The following BRINP3 variants were observed in gnomAD, a reference collection of about 807,000 sequenced individuals.
BRINP3 encodes BMP/retinoic acid inducible neural specific 3, also known as BMP/retinoic acid-inducible neural-specific protein 3.
A neutral mutation model predicts 71.0 loss-of-function variants in BRINP3; 19 were observed. That is an observed-to-expected ratio of 0.27 (90% confidence interval 0.19 to 0.39). The LOEUF is 0.39. Among genes scored for constraint, BRINP3 ranks in the 10% least tolerant of loss-of-function variants. The probability of loss-of-function intolerance (pLI) is 1.00; values close to 1 mark genes in which losing one functional copy is unlikely to be tolerated. For synonymous variants in BRINP3, 380 were observed against 337.7 expected (o/e 1.13, Z -1.37); for missense variants, 959 against 940.8 (o/e 1.02, Z -0.25).
chr1:190,376,675 C>A (rs1670202402), intron 2 of BRINP3, among the ~76,000 whole-genome samples: 1 of 151,980 alleles, frequency 6.6e-6, no homozygotes, highest in South Asian at 2.1e-4. Context: ...AAACATCAAA[C>A]ATTACTTTCT....
intron 7 of BRINP3, among the ~76,000 whole-genome samples, chr1:190,110,771 GA>G (rs999586098): frequency 2.6e-5 from 4 of 151,688 alleles, no homozygotes; most frequent in Non-Finnish European, 5.9e-5. Flanking sequence ...TATATTCCAT[GA>G]AAAAAAATTA....
intron 2 of BRINP3, among the ~76,000 whole-genome samples, chr1:190,395,774 A>T: frequency 6.6e-6 from 1 of 151,802 alleles, no homozygotes; most frequent in East Asian, 1.9e-4. Flanking sequence ...ACTAAGTTTT[A>T]TTCAGTTGTA....
chr1:190,250,504 A>T (rs915244491), intron 4 of BRINP3, among the ~76,000 whole-genome samples: 3 of 151,980 alleles, frequency 2.0e-5, no homozygotes, highest in Non-Finnish European at 4.4e-5. Context: ...AGTTACCACC[A>T]ACTTGATAAG....
chr1:190,284,803 A>C (rs1351295064), intron 2 of BRINP3, among the ~76,000 whole-genome samples: 2 of 152,090 alleles, frequency 1.3e-5, no homozygotes, highest in African/African-American at 4.8e-5. Flanking sequence ...GGATATCACC[A>C]AACTAAAACT....
At chr1:190,239,958 T>C (rs1019688917) in intron 4 of BRINP3, among the ~76,000 whole-genome samples, 5 of 151,714 alleles carry the variant, frequency 3.3e-5, no homozygotes, top group Admixed American at 2.0e-4. Flanking sequence ...TCCAATACAA[T>C]CTATTTTAAA....
At chr1:190,432,973 T>A (rs1674199636) in intron 2 of BRINP3, among the ~76,000 whole-genome samples, 1 of 152,210 alleles carries the variant, frequency 6.6e-6, no homozygotes, top group East Asian at 1.9e-4. Flanking sequence ...CATAAACATA[T>A]ATCAATTATA....
intron 6 of BRINP3, among the ~76,000 whole-genome samples, chr1:190,218,322 T>G (rs1157580576): frequency 2.0e-5 from 3 of 152,092 alleles, no homozygotes; most frequent in African/African-American, 7.2e-5. Flanking sequence ...GCTTCTTTTG[T>G]TCAATGTGAT....
chr1:190,130,106 A>G (rs1654416315), intron 7 of BRINP3, among the ~76,000 whole-genome samples: 1 of 152,020 alleles, frequency 6.6e-6, no homozygotes, highest in Non-Finnish European at 1.5e-5. Flanking sequence ...AATTTGTCTG[A>G]CTTTTGATGT....
At chr1:190,418,205 C>T (rs745891316) in intron 2 of BRINP3, among the ~76,000 whole-genome samples, 1 of 152,064 alleles carries the variant, frequency 6.6e-6, no homozygotes, top group South Asian at 2.1e-4. Flanking sequence ...TAGCCCCCCA[C>T]CATGCCTGGC....
chr1:190,196,459 AT>A, intron 6 of BRINP3, among the ~76,000 whole-genome samples: 1 of 152,166 alleles, frequency 6.6e-6, no homozygotes, highest in Non-Finnish European at 1.5e-5. Flanking sequence ...TCCAAAAAAC[AT>A]TTAAACATGT....
chr1:190,458,559 T>A (rs144833683), intron 1 of BRINP3, among the ~76,000 whole-genome samples: 1 of 152,190 alleles, frequency 6.6e-6, no homozygotes, highest in Non-Finnish European at 1.5e-5. Context: ...TACTAATTTA[T>A]AAATTATTAC....
rs573943290 is a variant in BRINP3 at position 190,372,187 on chromosome 1, T to C, written c.236+82468A>G. Among the ~76,000 whole-genome samples the C allele has an allele frequency of 3.3e-5, 5 of 152,276 alleles. No individual in the cohort carries two copies. The South Asian group carries it at 1.0e-3, about 32-fold the overall frequency. ...TAAGAATTCATTGAACCTGCAAGGC[T>C]GGAAGGGACCTCAGACGTCCTTCAT... On this transcript the variant is annotated intron_variant, in intron 2 of 7. Transcript: ENST00000367462.
intron 1 of BRINP3, among the ~76,000 whole-genome samples, chr1:190,471,625 AG>A (rs1339183830): frequency 6.6e-6 from 1 of 151,446 alleles, no homozygotes; most frequent in Non-Finnish European, 1.5e-5. Flanking sequence ...GTTTGTAAAA[AG>A]CATTGGAAAT....
chr1:190,429,585 C>A, intron 2 of BRINP3, among the ~76,000 whole-genome samples: 1 of 147,284 alleles, frequency 6.8e-6, no homozygotes, highest in East Asian at 2.0e-4. Flanking sequence ...TTACATCTTT[C>A]TTTCTTCCTT....
Position 190,373,441 on chromosome 1 carries a change from T to TGC in BRINP3, c.236+81213_236+81214insGC, listed in dbSNP as rs549147323. On this transcript the variant is annotated intron_variant, in intron 2 of 7. Coordinates refer to ENST00000367462, the MANE Select transcript of BRINP3 (RefSeq NM_199051.3). ...CCTTAATTATATATATATATGTGTG[T>TGC]GTGTGTGTGTGTGTGTGTGTACATA... is the stretch of plus-strand genomic sequence containing the variant. Among the ~76,000 whole-genome samples the TGC allele has an allele frequency of 6.8e-5, 10 of 146,780 alleles. No individual in the cohort carries two copies. The South Asian group carries it at 2.1e-3, about 31-fold the overall frequency.
In BRINP3 at chr1:190,382,002, C is replaced by T. The variant is rs558246354; in HGVS notation, c.236+72653G>A. ...TGGCCAAAAACAATATGTGCATGTA[C>T]GAAACAGATACACATATTGCATACG... On this transcript the variant is annotated intron_variant, in intron 2 of 7. Coordinates refer to ENST00000367462, the MANE Select transcript of BRINP3 (RefSeq NM_199051.3). Among the ~76,000 whole-genome samples, 12 of 152,102 alleles carry T rather than the reference C, an allele frequency of 7.9e-5. No individual in the cohort carries two copies. In the South Asian group the frequency reaches 1.2e-3, roughly 16 times the overall value.
chr1:190,146,246 C>A (rs1040121029), intron 7 of BRINP3, among the ~76,000 whole-genome samples: 5 of 152,014 alleles, frequency 3.3e-5, no homozygotes. Context: ...AATATTTAAC[C>A]TTATTAGATT....
intron 2 of BRINP3, among the ~76,000 whole-genome samples, chr1:190,343,113 T>C (rs945773171): frequency 6.6e-6 from 1 of 151,824 alleles, no homozygotes; most frequent in Non-Finnish European, 1.5e-5. Context: ...ACAGGCGATG[T>C]ATCAATTATT....
intron 6 of BRINP3, among the ~76,000 whole-genome samples, chr1:190,169,974 T>C (rs899839362): frequency 2.0e-5 from 3 of 152,152 alleles, no homozygotes; most frequent in Admixed American, 6.6e-5. Flanking sequence ...TTCAGCAAGC[T>C]GTTCAAAGTG....
Sources: allele counts gnomAD v4.1 joint callset (sites outside exome capture counted in the v4.1 genomes callset), GRCh38; gene constraint gnomAD v4.1.1; transcripts MANE v1.5; gene names NCBI Gene and HGNC (gene_info 2026-07-23, HGNC 2026-07-21).